The following DTNB variants were observed in gnomAD, a reference collection of about 807,000 sequenced individuals.
DTNB encodes dystrobrevin beta.
A neutral mutation model predicts 90.7 loss-of-function variants in DTNB; 63 were observed. The observed-to-expected ratio is 0.69, with a 90% CI of 0.57 to 0.86. The LOEUF (loss-of-function observed/expected upper bound fraction) is 0.86. Ranked by LOEUF, DTNB falls within the 40% of genes least tolerant of loss-of-function variation. The pLI, the probability that DTNB is intolerant of heterozygous loss-of-function variation, is 0.00. For synonymous variants in DTNB, 277 were observed against 286.7 expected, an observed-to-expected ratio of 0.97 and a Z score of 0.34; for missense variants, 744 against 807.1, an observed-to-expected ratio of 0.92 and a Z score of 0.95.
chr2:25,391,540 G>A (rs1242873167), intron 16 of DTNB, among the ~76,000 whole-genome samples: 1 of 152,156 alleles, frequency 6.6e-6, no homozygotes, highest in East Asian at 1.9e-4. Flanking sequence ...AAACTACAAT[G>A]AGACATCACC....
intron 3 of DTNB, among the ~76,000 whole-genome samples, chr2:25,634,994 A>G (rs2076817296): frequency 7.0e-6 from 1 of 141,934 alleles, no homozygotes; most frequent in Admixed American, 7.1e-5. Flanking sequence ...CCTTCCCTCC[A>G]CTATTGTCCT....
intron 2 of DTNB, among the ~76,000 whole-genome samples, chr2:25,647,647 G>C (rs936170220): frequency 6.6e-6 from 1 of 152,064 alleles, no homozygotes; most frequent in Non-Finnish European, 1.5e-5. Context: ...AGCCGAGGTG[G>C]GAGGATCGCT....
At chr2:25,482,751 G>A in intron 10 of DTNB, 45 bp downstream of exon 10, 1 of 1,593,688 alleles carries the variant, frequency 6.3e-7, no homozygotes. Context: ...TCGCAAATCA[G>A]TAGCAGAGGC....
At chr2:25,595,365 A>G (rs993657647) in intron 6 of DTNB, among the ~76,000 whole-genome samples, 1 of 152,172 alleles carries the variant, frequency 6.6e-6, no homozygotes, top group Non-Finnish European at 1.5e-5. Flanking sequence ...GTTTCCATTA[A>G]TTTTTTACCT....
intron 1 of DTNB, among the ~76,000 whole-genome samples, chr2:25,669,302 T>A (rs893335373): frequency 3.3e-5 from 5 of 152,210 alleles, no homozygotes; most frequent in Admixed American, 2.6e-4. Context: ...ATAAAAAAAG[T>A]TAGAGTGCTG....
At chr2:25,440,750 C>T (rs2057183013) in intron 12 of DTNB, among the ~76,000 whole-genome samples, 1 of 152,192 alleles carries the variant, frequency 6.6e-6, no homozygotes, top group South Asian at 2.1e-4. Context: ...CTAGGTTAAA[C>T]AGTTACAAAG....
At position 25,522,469 on chromosome 2, in the gene DTNB, G is replaced by A. The variant is rs1427297574; in HGVS notation, c.1001+9004C>T. On this transcript the variant is annotated intron_variant, in intron 9 of 20. Coordinates refer to ENST00000406818, the MANE Select transcript of DTNB (RefSeq NM_021907.5). ...TCAATACATTTTAGGTGCCTACCAC[G>A]CACCAAGCAGTATTTCAGGTAATAG... Among the ~76,000 whole-genome samples, 146 of 152,194 alleles carry A rather than the reference G, an allele frequency of 9.6e-4. 2 individuals are homozygous for A. The highest frequency in any genetic ancestry group is 2.1e-4 in the Non-Finnish European group (14 of 68,014).
In DTNB at chr2:25,483,017, G is replaced by A. The variant is rs1423925568; in HGVS notation, c.1002-144C>T. 9.9e-6 allele frequency: 8 copies of A among 811,834 alleles called. No homozygotes were observed. The South Asian group carries it at 2.0e-4, about 20-fold the overall frequency. The allele number at this position is 811,834 out of a possible 1,614,324, so 50.3% of individuals were successfully genotyped here. ...ACCCATGGGGAGGGGGGGGACCCAT[G>A]GGGAAGGGGAGGCCCATGGGGAGGT... On this transcript the variant is annotated intron_variant, in intron 9 of 20. Coordinates refer to ENST00000406818, the MANE Select transcript of DTNB (RefSeq NM_021907.5).
intron 16 of DTNB, among the ~76,000 whole-genome samples, chr2:25,392,199 A>G (rs2041309367): frequency 6.6e-6 from 1 of 152,220 alleles, no homozygotes; most frequent in Non-Finnish European, 1.5e-5. Flanking sequence ...ACTTGAGGTC[A>G]GGAGTTCGAG....
intron 8 of DTNB, among the ~76,000 whole-genome samples, chr2:25,567,888 C>G (rs1233490388): frequency 6.6e-6 from 1 of 152,264 alleles, no homozygotes; most frequent in South Asian, 2.1e-4. Flanking sequence ...AGGCTGGGCG[C>G]GGTGGCTGAC....
chr2:25,588,011 T>C (rs996331871), intron 6 of DTNB, among the ~76,000 whole-genome samples: 2 of 152,222 alleles, frequency 1.3e-5, no homozygotes, highest in African/African-American at 4.8e-5. Context: ...ACCAGCCTCT[T>C]GATGAACTGA....
chr2:25,501,074 T>C (rs374922174), intron 9 of DTNB, among the ~76,000 whole-genome samples: 142 of 152,318 alleles, frequency 9.3e-4, no homozygotes, highest in Admixed American at 2.2e-3. Context: ...CATCAAATGT[T>C]CTGAAAAATA....
intron 8 of DTNB, among the ~76,000 whole-genome samples, chr2:25,548,871 A>C (rs533737677): frequency 1.1e-4 from 17 of 152,306 alleles, no homozygotes; most frequent in Non-Finnish European, 2.2e-4. Flanking sequence ...CTCTGTAATA[A>C]TTACTTATGT....
Position 25,667,256 on chromosome 2 carries a change from T to C in DTNB, c.-2+6130A>G, listed in dbSNP as rs7580483. ...TTAATCCCAACACTTTGGGAGGCTG[T>C]GGCAGGCGAATCACTTGAGGTCAGG... On this transcript the variant is annotated intron_variant, in intron 1 of 20. Transcript: ENST00000406818. Among the ~76,000 whole-genome samples, 250 of 152,054 alleles carry C rather than the reference T, an allele frequency of 1.6e-3. 1 individual carries two copies. Among genetic ancestry groups the C allele is most frequent in the African/African-American group, 5.7e-3 (235 of 41,486 alleles).
intron 16 of DTNB, among the ~76,000 whole-genome samples, chr2:25,388,972 G>A (rs544791826): frequency 2.6e-5 from 4 of 152,082 alleles, no homozygotes; most frequent in Admixed American, 1.3e-4. Flanking sequence ...TCAGCCTCCC[G>A]AGTAGCTGGG....
rs34734035 is a variant in DTNB, at chr2:25,495,219, C to T, written c.1002-12346G>A. On this transcript the variant is annotated intron_variant, in intron 9 of 20. Transcript: ENST00000406818. ...TAGCTGTGACTACAGGCACATGCCA[C>T]CACACCAGCTAATTTCTGTATTTTT... Among the ~76,000 whole-genome samples the T allele has an allele frequency of 2.4e-3, 362 of 152,238 alleles. 2 individuals are homozygous for T. Among genetic ancestry groups the T allele is most frequent in the South Asian group, 0.016 (75 of 4,818 alleles).
intron 9 of DTNB, among the ~76,000 whole-genome samples, chr2:25,511,577 C>A (rs1330478413): frequency 6.6e-6 from 1 of 152,218 alleles, no homozygotes; most frequent in Admixed American, 6.5e-5. Context: ...GGTGATCCAC[C>A]TGCCTCGGCC....
At chr2:25,471,762 C>T (rs1052966077) in intron 10 of DTNB, among the ~76,000 whole-genome samples, 1 of 152,086 alleles carries the variant, frequency 6.6e-6, no homozygotes, top group African/African-American at 2.4e-5. Flanking sequence ...TCTAGTCCTT[C>T]CACTTTCTTC....
intron 4 of DTNB, among the ~76,000 whole-genome samples, chr2:25,613,064 A>G (rs1045501138): frequency 3.9e-5 from 6 of 152,210 alleles, no homozygotes; most frequent in Non-Finnish European, 7.3e-5. Context: ...AACTCTTTTT[A>G]TAAGGTCAGT....
Sources: gnomAD v4.1 joint callset for allele counts (sites outside exome capture counted in the v4.1 genomes callset) on GRCh38, gnomAD v4.1.1 for gene constraint, MANE v1.5 for transcripts, NCBI Gene and HGNC (gene_info 2026-07-23, HGNC 2026-07-21) for gene names.